Variants in ZFP64 observed in about 807,000 individuals in gnomAD.
The protein encoded by ZFP64 is zinc finger protein 64.
In ZFP64, 14 loss-of-function variants were observed where a neutral mutation model predicts 51.6. The observed-to-expected ratio is 0.27, with a 90% CI of 0.18 to 0.42. The LOEUF is 0.42. Among genes scored for constraint, ZFP64 ranks in the 10% least tolerant of loss-of-function variants. The pLI is 1.00. For synonymous variants in ZFP64, 375 were observed against 361.4 expected (o/e 1.04, Z -0.43); for missense variants, 754 against 906.8 (o/e 0.83, Z 2.16).
Position 52,174,810 on chromosome 20 carries a change from G to A in ZFP64, c.287-8785C>T, listed in dbSNP as rs1983051960. Reference sequence around the variant, plus strand: ...TGAAGACTTGGGTTAAAATGGTACAGATGTTTTATTACTTGGTGATTATAT... The same window carrying A: ...TGAAGACTTGGGTTAAAATGGTACAAATGTTTTATTACTTGGTGATTATAT... On this transcript the variant is annotated intron_variant, in intron 2 of 5. Transcript: ENST00000216923. 2.0e-5 allele frequency among the ~76,000 whole-genome samples: 3 copies of A among 152,144 alleles called. 1 individual carries two copies. In the South Asian group the frequency reaches 6.2e-4, roughly 32 times the overall value.
rs191895874 is a variant in ZFP64 at position 52,159,704 on chromosome 20, T to C, written c.763+419A>G. 5.6e-3 allele frequency among the ~76,000 whole-genome samples: 826 copies of C among 148,490 alleles called. 5 individuals are homozygous for C. The highest frequency in any genetic ancestry group is 0.019 in the African/African-American group (773 of 40,008). The stretch of plus-strand genomic sequence containing the variant: ...CACCTCTACTAAAATTAGAAAAAGT[T>C]AGCTGGGTGTGGTACAACATACCTG... On this transcript the variant is annotated intron_variant, in intron 5 of 5. Coordinates refer to ENST00000216923, the MANE Select transcript of ZFP64 (RefSeq NM_018197.3).
intron 7 of ZFP64, among the ~76,000 whole-genome samples, chr20:52,096,258 C>G (rs1278196102): frequency 6.6e-6 from 1 of 152,200 alleles, no homozygotes; most frequent in East Asian, 1.9e-4. Context: ...TCATGTTCCC[C>G]TAGGTCACAA....
At chr20:52,163,735 T>C (rs1240704570) in intron 4 of ZFP64, among the ~76,000 whole-genome samples, 1 of 152,170 alleles carries the variant, frequency 6.6e-6, no homozygotes, top group Non-Finnish European at 1.5e-5. Context: ...CTTATACACA[T>C]TTATACTTTT....
chr20:52,108,091 A>G (rs112183312), intron 5 of ZFP64, among the ~76,000 whole-genome samples: 1,731 of 152,220 alleles, frequency 0.011, 27 homozygotes, highest in African/African-American at 0.039. Context: ...AGCTGGGCGG[A>G]TGACACACAC....
At chr20:52,184,759 T>G (rs980425312) in intron 2 of ZFP64, among the ~76,000 whole-genome samples, 1 of 152,056 alleles carries the variant, frequency 6.6e-6, no homozygotes, top group Non-Finnish European at 1.5e-5. Flanking sequence ...CCTGAGCAGC[T>G]AGGACTACAA....
chr20:52,105,235 C>T (rs865821942), intron 5 of ZFP64: 4 of 1,340,706 alleles, frequency 3.0e-6, no homozygotes, highest in Non-Finnish European at 3.8e-6. Context: ...TGCGCCGCGA[C>T]ATGGCGCGAG....
intron 5 of ZFP64, among the ~76,000 whole-genome samples, chr20:52,110,111 A>AG (rs1396282575): frequency 6.6e-6 from 1 of 152,024 alleles, no homozygotes; most frequent in African/African-American, 2.4e-5. Flanking sequence ...ATTCCTTCTG[A>AG]GGGGTCATTT....
chr20:52,187,143 G>A, intron 1 of ZFP64, 72 bp from the exon 2 acceptor site: 2 of 1,506,120 alleles, frequency 1.3e-6, no homozygotes, highest in Non-Finnish European at 1.8e-6. Flanking sequence ...CCAGATTCAT[G>A]GTAGGAAGAA....
At chr20:52,096,935 C>T (rs968428639) in intron 7 of ZFP64, 57 of 412,670 alleles carry the variant, frequency 1.4e-4, no homozygotes, top group Admixed American at 6.7e-5. Flanking sequence ...CTTTGTGCAC[C>T]CTACAGTCCC....
chr20:52,119,848 C>T (rs1331838881), intron 5 of ZFP64, among the ~76,000 whole-genome samples: 1 of 152,010 alleles, frequency 6.6e-6, no homozygotes, highest in Admixed American at 6.6e-5. Flanking sequence ...GCAGGGAGTA[C>T]AGGAGATAAG....
chr20:52,089,106 G>C, intron 7 of ZFP64: 1 of 503,296 alleles, frequency 2.0e-6, no homozygotes, highest in Non-Finnish European at 4.0e-6. Context: ...TGGTAAGTTA[G>C]AGATGCCAGG....
chr20:52,169,827 G>A (rs577521412), intron 2 of ZFP64, among the ~76,000 whole-genome samples: 1 of 152,336 alleles, frequency 6.6e-6, no homozygotes, highest in South Asian at 2.1e-4. Flanking sequence ...CCCGAGGCAG[G>A]CGGATCACCC....
rs543811251 is a variant in ZFP64, at chr20:52,181,941, A to G, written c.286+4891T>C. Among the ~76,000 whole-genome samples the G allele has an allele frequency of 2.0e-5, 3 of 152,342 alleles. No individual in the cohort carries two copies. In the South Asian group the frequency reaches 6.2e-4, roughly 32 times the overall value. On this transcript the variant is annotated intron_variant, in intron 2 of 5. Coordinates refer to ENST00000216923, the MANE Select transcript of ZFP64 (RefSeq NM_018197.3). ...AGAATTCTGCTTGTTTAGTTGGCAC[A>G]GAGGCAGGAACCATCAGGAGGAGCA... is the stretch of plus-strand genomic sequence containing the variant.
intron 5 of ZFP64, among the ~76,000 whole-genome samples, chr20:52,127,740 A>G (rs1364642117): frequency 6.8e-6 from 1 of 148,012 alleles, no homozygotes; most frequent in Non-Finnish European, 1.5e-5. Context: ...TTACAAAGAC[A>G]AATCCTTTTT....
At chr20:52,096,493 T>G (rs2078989820) in intron 7 of ZFP64, among the ~76,000 whole-genome samples, 1 of 152,242 alleles carries the variant, frequency 6.6e-6, no homozygotes, top group African/African-American at 2.4e-5. Flanking sequence ...CCACTGAGAC[T>G]GGTTTCTGAA....
intron 1 of ZFP64, among the ~76,000 whole-genome samples, chr20:52,189,488 T>G (rs959026238): frequency 6.6e-6 from 1 of 152,068 alleles, no homozygotes; most frequent in African/African-American, 2.4e-5. Context: ...TTCCTTTTTT[T>G]TTTTGAGATG....
intron 2 of ZFP64, among the ~76,000 whole-genome samples, chr20:52,182,829 C>A (rs1014083567): frequency 6.6e-6 from 1 of 152,180 alleles, no homozygotes; most frequent in East Asian, 1.9e-4. Context: ...GCAGTGTTCA[C>A]ACCCAAGAAA....
chr20:52,127,968 C>G (rs1331037043), intron 5 of ZFP64, among the ~76,000 whole-genome samples: 1 of 152,028 alleles, frequency 6.6e-6, no homozygotes, highest in African/African-American at 2.4e-5. Context: ...TATTTTTTTC[C>G]CGGGTCTGTG....
intron 5 of ZFP64, among the ~76,000 whole-genome samples, chr20:52,111,897 C>T (rs1277244973): frequency 1.3e-5 from 2 of 151,860 alleles, no homozygotes; most frequent in African/African-American, 4.8e-5. Context: ...GCCTGGACAA[C>T]GTGGTGAAAC....
Sources: allele counts gnomAD v4.1 joint callset (sites outside exome capture counted in the v4.1 genomes callset), GRCh38; gene constraint gnomAD v4.1.1; transcripts MANE v1.5; gene names NCBI Gene and HGNC (gene_info 2026-07-23, HGNC 2026-07-21).